Variants in APP observed in about 807,000 individuals in gnomAD.
The protein encoded by APP is amyloid-beta precursor protein.
A neutral mutation model predicts 101.4 loss-of-function variants in APP; 31 were observed. That is an observed-to-expected ratio of 0.31 (90% CI 0.23 to 0.41). The LOEUF is 0.41. Among genes scored for constraint, APP ranks in the 10% least tolerant of loss-of-function variants. APP has a pLI of 1.00. For synonymous variants in APP, 366 were observed against 364.4 expected (o/e 1.00, Z -0.05); for missense variants, 839 against 1,003.7 (o/e 0.84, Z 2.22).
At chr21:26,117,191 G>A (rs571138720) in intron 1 of APP, among the ~76,000 whole-genome samples, 2 of 152,270 alleles carry the variant, frequency 1.3e-5, no homozygotes, top group Non-Finnish European at 2.9e-5. Context: ...GCTTTGTAGC[G>A]ATACTATTTC....
intron 1 of APP, among the ~76,000 whole-genome samples, chr21:26,163,497 G>T (rs2063543525): frequency 6.6e-6 from 1 of 152,084 alleles, no homozygotes; most frequent in Admixed American, 6.5e-5. Flanking sequence ...CAAAATGTTT[G>T]TCCTATTTAT....
chr21:26,077,329 C>T (rs1286559752), intron 3 of APP, among the ~76,000 whole-genome samples: 1 of 152,108 alleles, frequency 6.6e-6, no homozygotes, highest in African/African-American at 2.4e-5. Flanking sequence ...TGAGCCCACC[C>T]CTTTCCCTTC....
chr21:26,126,920 A>G (rs948647163), intron 1 of APP, among the ~76,000 whole-genome samples: 8 of 152,116 alleles, frequency 5.3e-5, no homozygotes, highest in African/African-American at 1.9e-4. Context: ...ACATCATATA[A>G]AACAATAACT....
chr21:25,989,818 G>A (rs1287882095), intron 8 of APP, among the ~76,000 whole-genome samples: 1 of 151,962 alleles, frequency 6.6e-6, no homozygotes, highest in Non-Finnish European at 1.5e-5. Flanking sequence ...ATTTATATAT[G>A]AGTGAAATAT....
At chr21:25,898,035 A>C (rs1422878333) in intron 15 of APP, 1 of 279,252 alleles carries the variant, frequency 3.6e-6, no homozygotes, top group Non-Finnish European at 6.8e-6. Context: ...TTAGCCTATT[A>C]TGTGTCTTTT....
At position 25,955,652 on chromosome 21, in the gene APP, T is replaced by C. The variant is rs1216578110; in HGVS notation, c.1562A>G (p.Lys521Arg). Residue 521 changes from lysine (K) to arginine (R), a missense_variant, in exon 12 of 18, where the codon AAG becomes AGG. By Grantham distance (26) the Lys-to-Arg change is conservative (BLOSUM62 2). Coordinates refer to ENST00000346798, the MANE Select transcript of APP (RefSeq NM_000484.4). ...HFEHVRMVDP[K>R]KAAQIRSQVM... ...CTGGGACCGGATCTGAGCGGCTTTCTTGGGATCCACCATGCGCACATGCTC... is the reference window on the plus strand; with the variant it reads ...CTGGGACCGGATCTGAGCGGCTTTCCTGGGATCCACCATGCGCACATGCTC... The C allele has an allele frequency of 6.2e-7, 1 of 1,614,088 alleles. No homozygotes were observed. Among genetic ancestry groups the C allele is most frequent in the Non-Finnish European group, 8.5e-7 (1 of 1,180,042 alleles).
chr21:25,949,976 GA>G (rs1358147045), intron 13 of APP, among the ~76,000 whole-genome samples: 1 of 152,218 alleles, frequency 6.6e-6, no homozygotes, highest in African/African-American at 2.4e-5. Context: ...TGCTATCACT[GA>G]ATTTCCGAGT....
intron 11 of APP, among the ~76,000 whole-genome samples, chr21:25,974,024 C>T (rs2042135691): frequency 1.3e-5 from 2 of 150,834 alleles, no homozygotes; most frequent in African/African-American, 4.9e-5. Flanking sequence ...TCCAAGTAAG[C>T]TCTCCCACAG....
At chr21:26,056,331 A>T (rs922771386) in intron 3 of APP, among the ~76,000 whole-genome samples, 1 of 152,160 alleles carries the variant, frequency 6.6e-6, no homozygotes, top group Non-Finnish European at 1.5e-5. Flanking sequence ...AGCCACCACG[A>T]CCAGCCAGTC....
chr21:26,165,792 A>G (rs915290593), intron 1 of APP, among the ~76,000 whole-genome samples: 1 of 152,212 alleles, frequency 6.6e-6, no homozygotes, highest in Non-Finnish European at 1.5e-5. Context: ...TTAGGTTTCT[A>G]TTTCAGCAGA....
intron 3 of APP, among the ~76,000 whole-genome samples, chr21:26,066,733 G>A (rs929699922): frequency 5.1e-5 from 7 of 137,666 alleles, no homozygotes; most frequent in South Asian, 2.5e-4. Flanking sequence ...AGGACTGAGC[G>A]CCTTTTCACA....
At position 25,891,853 on chromosome 21, in the gene APP, C is replaced by T. The variant is rs63749810; in HGVS notation, c.2080G>A (p.Asp694Asn). The T allele has an allele frequency of 6.2e-7, 1 of 1,614,050 alleles. No individual in the cohort carries two copies. Among genetic ancestry groups the T allele is most frequent in the Non-Finnish European group, 8.5e-7 (1 of 1,179,998 alleles). Residue 694 changes from aspartate to asparagine, a missense_variant, in exon 17 of 18, where the codon GAT (aspartate) becomes AAT (asparagine). Transcript: ENST00000346798. ...HHQKLVFFAE[D>N]VGSNKGAIIG... is the part of the protein sequence containing the mutation. ...ATTGCACCTTTGTTTGAACCCACATCTTCTGCAAAGAACACCTTGAAAACA... is the reference window on the plus strand; with the variant it reads ...ATTGCACCTTTGTTTGAACCCACATTTTCTGCAAAGAACACCTTGAAAACA...
intron 5 of APP, among the ~76,000 whole-genome samples, chr21:26,023,026 G>A (rs1042459067): frequency 6.6e-6 from 1 of 151,170 alleles, no homozygotes; most frequent in South Asian, 2.1e-4. Context: ...ATGCCCTGTG[G>A]TCAGGGATGC....
In APP at chr21:26,053,345, C is replaced by A; in HGVS notation, c.359G>T (p.Gly120Val). Residue 120 changes from glycine to valine, a missense_variant, in exon 4 of 18, where the codon GGT becomes GTT. Transcript: ENST00000346798. ...HFVIPYRCLV[G>V]EFVSDALLVP... ...GAGAAGGGCATCACTTACAAACTCA[C>A]CAACTGAAAGAAAGGAAAACCACTT... 1 of 1,606,882 alleles carries A rather than the reference C, an allele frequency of 6.2e-7. No individual in the cohort carries two copies. Among genetic ancestry groups the A allele is most frequent in the Non-Finnish European group, 8.5e-7 (1 of 1,173,482 alleles).
intron 1 of APP, among the ~76,000 whole-genome samples, chr21:26,168,610 C>CA (rs1273600917): frequency 6.6e-6 from 1 of 152,142 alleles, no homozygotes; most frequent in Admixed American, 6.5e-5. Flanking sequence ...TAAGTTTTGA[C>CA]AAAAGCTTCA....
At chr21:26,103,196 G>A (rs2062102247) in intron 2 of APP, among the ~76,000 whole-genome samples, 1 of 152,204 alleles carries the variant, frequency 6.6e-6, no homozygotes, top group South Asian at 2.1e-4. Flanking sequence ...ATGGATTTAT[G>A]ACTTTACTAT....
intron 5 of APP, among the ~76,000 whole-genome samples, chr21:26,037,521 G>T (rs896321298): frequency 6.6e-6 from 1 of 151,958 alleles, no homozygotes; most frequent in Admixed American, 6.6e-5. Flanking sequence ...TTTAATGAAC[G>T]GTCTATGCTT....
chr21:26,158,982 T>C (rs1467560826), intron 1 of APP, among the ~76,000 whole-genome samples: 2 of 152,222 alleles, frequency 1.3e-5, no homozygotes, highest in Non-Finnish European at 2.9e-5. Context: ...CCCACCCAGA[T>C]TCTAGATCTC....
At chr21:25,884,903 C>G (rs2037225775) in intron 17 of APP, among the ~76,000 whole-genome samples, 3 of 152,258 alleles carry the variant, frequency 2.0e-5, no homozygotes, top group South Asian at 4.1e-4. Context: ...ATCTCCTCTT[C>G]AAACTCCAAA....
Sources: allele counts gnomAD v4.1 joint callset (sites outside exome capture counted in the v4.1 genomes callset), GRCh38; gene constraint gnomAD v4.1.1; transcripts MANE v1.5; gene names NCBI Gene and HGNC (gene_info 2026-07-23, HGNC 2026-07-21).